Variants in PTPRD observed in about 807,000 individuals in gnomAD.
The protein encoded by PTPRD is receptor-type tyrosine-protein phosphatase delta.
PTPRD carries 34 observed loss-of-function variants against 214.5 expected under a neutral mutation model. The ratio of observed to expected loss-of-function variants is 0.16; its 90% CI spans 0.12 to 0.21. The LOEUF (loss-of-function observed/expected upper bound fraction) is 0.21, where lower values mean the gene tolerates loss of function less well. Ranked by LOEUF, PTPRD falls within the 10% of genes least tolerant of loss-of-function variation. The pLI is 1.00. For synonymous variants in PTPRD, 1,128 were observed against 845.7 expected, an observed-to-expected ratio of 1.33 and a Z score of -5.79; for missense variants, 2,545 against 2,398.7, an observed-to-expected ratio of 1.06 and a Z score of -1.27.
intron 2 of PTPRD, among the ~76,000 whole-genome samples, chr9:10,612,062 C>T (rs968360276): frequency 6.6e-6 from 1 of 151,932 alleles, no homozygotes; most frequent in African/African-American, 2.4e-5. Context: ...CAAGCTTTTT[C>T]TAGATAACCA....
chr9:8,900,785 A>C (rs924798662), intron 11 of PTPRD, among the ~76,000 whole-genome samples: 1 of 152,322 alleles, frequency 6.6e-6, no homozygotes, highest in South Asian at 2.1e-4. Flanking sequence ...AATGGTCCCA[A>C]AGAATTTAGG....
At position 8,676,701 on chromosome 9, in the gene PTPRD, G is replaced by A. The variant is rs192772422; in HGVS notation, c.65-39857C>T. On this transcript the variant is annotated intron_variant, in intron 12 of 45. Transcript: ENST00000381196. Reference sequence around the variant, plus strand: ...CAATTCTCCTGCCTCAGCCTCCCGAGTAGCTGGGATTACAGGCATGCGCCA... The same window carrying A: ...CAATTCTCCTGCCTCAGCCTCCCGAATAGCTGGGATTACAGGCATGCGCCA... Among the ~76,000 whole-genome samples, 358 of 152,264 alleles carry A rather than the reference G, an allele frequency of 2.4e-3. 1 individual carries two copies. The highest frequency in any genetic ancestry group is 8.2e-3 in the African/African-American group (340 of 41,560).
intron 2 of PTPRD, among the ~76,000 whole-genome samples, chr9:10,505,617 G>A (rs1258575755): frequency 6.6e-6 from 1 of 151,866 alleles, no homozygotes; most frequent in Non-Finnish European, 1.5e-5. Context: ...GGCATACCAT[G>A]GGTTAAAGCA....
chr9:10,231,989 A>AGAGAGTGTGTGT (rs1245284728), intron 3 of PTPRD, among the ~76,000 whole-genome samples: 343 of 92,476 alleles, frequency 3.7e-3, no homozygotes, highest in African/African-American at 8.8e-3. Flanking sequence ...AGAGAGAGAG[A>AGAGAGTGTGTGT]GTGTGTGTGT....
At chr9:8,961,728 A>G (rs964962302) in intron 11 of PTPRD, among the ~76,000 whole-genome samples, 4 of 152,096 alleles carry the variant, frequency 2.6e-5, no homozygotes, top group African/African-American at 7.2e-5. Flanking sequence ...AAAGAAGCCC[A>G]ACTGTTACTA....
At chr9:10,361,150 T>C (rs529308533) in intron 2 of PTPRD, among the ~76,000 whole-genome samples, 8 of 152,228 alleles carry the variant, frequency 5.3e-5, no homozygotes, top group East Asian at 3.9e-4. Context: ...ACCCCTTATT[T>C]TGAAAGTCAA....
At chr9:9,780,314 A>C (rs2098833197) in intron 5 of PTPRD, among the ~76,000 whole-genome samples, 1 of 152,212 alleles carries the variant, frequency 6.6e-6, no homozygotes, top group African/African-American at 2.4e-5. Flanking sequence ...TGCTGTGCTT[A>C]CTACCTGAGT....
chr9:9,086,189 C>A (rs2099766806), intron 10 of PTPRD, among the ~76,000 whole-genome samples: 1 of 152,164 alleles, frequency 6.6e-6, no homozygotes. Context: ...CTAAAGATGA[C>A]TTTTGAAAAT....
chr9:10,483,301 T>A (rs1045252809), intron 2 of PTPRD, among the ~76,000 whole-genome samples: 4 of 152,058 alleles, frequency 2.6e-5, no homozygotes, highest in Non-Finnish European at 5.9e-5. Context: ...GATTAAAGAC[T>A]TAAATCTAAC....
chr9:10,533,404 C>T (rs2056950171), intron 2 of PTPRD, among the ~76,000 whole-genome samples: 1 of 151,986 alleles, frequency 6.6e-6, no homozygotes, highest in Non-Finnish European at 1.5e-5. Context: ...TATATTGTGT[C>T]TTATTTGTAG....
intron 39 of PTPRD, among the ~76,000 whole-genome samples, chr9:8,344,752 A>T (rs985361528): frequency 2.0e-5 from 3 of 152,066 alleles, no homozygotes; most frequent in Non-Finnish European, 4.4e-5. Context: ...CTCTTCAGAC[A>T]TCAATGGCTG....
chr9:9,389,246 C>T (rs1266780832), intron 9 of PTPRD, among the ~76,000 whole-genome samples: 1 of 152,182 alleles, frequency 6.6e-6, no homozygotes, highest in South Asian at 2.1e-4. Flanking sequence ...CGCAGTGGCT[C>T]ACGCCTGTAA....
At chr9:8,449,390 G>C (rs1421162965) in intron 34 of PTPRD, among the ~76,000 whole-genome samples, 2 of 151,882 alleles carry the variant, frequency 1.3e-5, no homozygotes, top group East Asian at 3.9e-4. Flanking sequence ...CACTTGATGA[G>C]AAACTGAATT....
intron 2 of PTPRD, among the ~76,000 whole-genome samples, chr9:10,582,468 C>T (rs990275353): frequency 5.3e-5 from 8 of 152,138 alleles, no homozygotes; most frequent in Non-Finnish European, 7.4e-5. Context: ...ATTTTGTTAG[C>T]TTGTTTCTAC....
At chr9:9,954,297 C>CAAAAAAAAAAAAAA (rs781628679) in intron 4 of PTPRD, among the ~76,000 whole-genome samples, 4 of 53,746 alleles carry the variant, frequency 7.4e-5, no homozygotes, top group Non-Finnish European at 1.8e-4. Flanking sequence ...TGTCTCAAAA[C>CAAAAAAAAAAAAAA]AAAAAAAAAA....
At position 10,560,413 on chromosome 9, in the gene PTPRD, TGG is replaced by T. The variant is rs2063647194; in HGVS notation, c.-600+51983_-600+51984del. On this transcript the variant is annotated intron_variant, in intron 2 of 45. Transcript: ENST00000381196. The stretch of plus-strand genomic sequence containing the variant: ...TCACACTCTGGGGACAGTTGTGGGG[TGG>T]GGGGAGTGGGGAGGGATAGCACTGG... Among the ~76,000 whole-genome samples, 7 of 114,836 alleles carry T rather than the reference TGG, an allele frequency of 6.1e-5. 1 individual carries two copies. The Admixed American group carries it at 6.7e-4, about 11-fold the overall frequency. The allele number at this position is 114,836 out of a possible 152,430, so 75.3% of individuals were successfully genotyped here.
chr9:9,938,964 T>G lies in PTPRD; in HGVS notation c.-471-354A>C, dbSNP rs144298134. Among the ~76,000 whole-genome samples the G allele has an allele frequency of 6.8e-3, 1,033 of 152,214 alleles. 13 individuals carry two copies. The highest frequency in any genetic ancestry group is 0.022 in the African/African-American group (925 of 41,542). On this transcript the variant is annotated intron_variant, in intron 4 of 45. Coordinates refer to ENST00000381196, the MANE Select transcript of PTPRD (RefSeq NM_002839.4). Reference sequence around the variant, plus strand: ...GAAACAGTAAATCAAAATACATTTTTAAACTCCAGAGAGAAGCTGATGTTG... The same window carrying G: ...GAAACAGTAAATCAAAATACATTTTGAAACTCCAGAGAGAAGCTGATGTTG...
intron 9 of PTPRD, among the ~76,000 whole-genome samples, chr9:9,374,394 G>A (rs1473455259): frequency 6.6e-6 from 1 of 152,010 alleles, no homozygotes; most frequent in African/African-American, 2.4e-5. Context: ...AGGTGCTATA[G>A]AATTTCAAAA....
chr9:8,860,502 T>A (rs117961602), intron 11 of PTPRD: 64 of 152,332 alleles, frequency 4.2e-4, no homozygotes, highest in African/African-American at 1.5e-3. Flanking sequence ...GTTATTATTA[T>A]ACCAATGAGA....
Sources: allele counts gnomAD v4.1 joint callset (sites outside exome capture counted in the v4.1 genomes callset), GRCh38; gene constraint gnomAD v4.1.1; transcripts MANE v1.5; gene names NCBI Gene and HGNC (gene_info 2026-07-23, HGNC 2026-07-21).